Variants in DDX10 observed in about 807,000 individuals in gnomAD.
DDX10 encodes probable ATP-dependent RNA helicase DDX10.
A neutral mutation model predicts 104.3 loss-of-function variants in DDX10; 74 were observed. The ratio of observed to expected loss-of-function variants is 0.71; its 90% confidence interval spans 0.59 to 0.86. The LOEUF (loss-of-function observed/expected upper bound fraction) is 0.86, where lower values mean the gene tolerates loss of function less well. Ranked by LOEUF, DDX10 falls within the 40% of genes least tolerant of loss-of-function variation. DDX10 has a pLI of 0.00. For synonymous variants in DDX10, 351 were observed against 353.4 expected, an observed-to-expected ratio of 0.99 and a Z score of 0.08; for missense variants, 952 against 1,040.0, an observed-to-expected ratio of 0.92 and a Z score of 1.16.
At chr11:108,723,841 T>C (rs1237573884) in intron 13 of DDX10, among the ~76,000 whole-genome samples, 1 of 152,154 alleles carries the variant, frequency 6.6e-6, no homozygotes, top group Non-Finnish European at 1.5e-5. Flanking sequence ...TAAGGAACAG[T>C]TGTAATTATT....
chr11:108,923,614 T>C (rs922522157), intron 17 of DDX10, among the ~76,000 whole-genome samples: 1 of 152,220 alleles, frequency 6.6e-6, no homozygotes, highest in African/African-American at 2.4e-5. Flanking sequence ...AACATATCTT[T>C]CCTGCTTTCA....
At chr11:108,690,209 G>A (rs2094250296) in intron 7 of DDX10, 1 of 152,218 alleles carries the variant, frequency 6.6e-6, no homozygotes, top group Non-Finnish European at 1.5e-5. Context: ...AGAGTTAGTT[G>A]GTTTTGGCAT....
In DDX10 at chr11:108,918,029, A is replaced by C. The variant is rs770664067; in HGVS notation, c.2450+11A>C. Reference sequence around the variant, plus strand: ...GGAAAATAAAATAAGGTATGTTTTTACTATGGGTATGAAATACATACTTAG... The same window carrying C: ...GGAAAATAAAATAAGGTATGTTTTTCCTATGGGTATGAAATACATACTTAG... On this transcript the variant is annotated intron_variant, in intron 17 of 17. Transcript: ENST00000322536. 3 of 1,610,442 alleles carry C rather than the reference A, an allele frequency of 1.9e-6. No homozygotes were observed. The highest frequency in any genetic ancestry group is 2.2e-5 in the South Asian group (2 of 90,982).
At chr11:108,830,917 T>C (rs967584341) in intron 13 of DDX10, among the ~76,000 whole-genome samples, 8 of 152,202 alleles carry the variant, frequency 5.3e-5, no homozygotes, top group Admixed American at 6.5e-5. Context: ...ACCATAAAGT[T>C]AGAGAATATT....
At chr11:108,702,995 A>G (rs1289708609) in intron 9 of DDX10, among the ~76,000 whole-genome samples, 3 of 152,206 alleles carry the variant, frequency 2.0e-5, no homozygotes. Flanking sequence ...TAAATATAGT[A>G]TTGATATTGA....
chr11:108,813,098 CT>C, intron 13 of DDX10, among the ~76,000 whole-genome samples: 1 of 150,566 alleles, frequency 6.6e-6, no homozygotes, highest in East Asian at 2.0e-4. Flanking sequence ...ACTATTTGTA[CT>C]TTCTTTCTGA....
chr11:108,822,436 G>A, intron 13 of DDX10: 1 of 380,588 alleles, frequency 2.6e-6, no homozygotes, highest in East Asian at 8.0e-5. Flanking sequence ...GTTCTTCTTG[G>A]GAGTCTCCAA....
chr11:108,938,105 A>G (rs963512455), intron 17 of DDX10, among the ~76,000 whole-genome samples: 1 of 151,992 alleles, frequency 6.6e-6, no homozygotes, highest in African/African-American at 2.4e-5. Context: ...TTCGACCTCT[A>G]TTGCATTTTC....
intron 13 of DDX10, among the ~76,000 whole-genome samples, chr11:108,779,635 T>A (rs1421426801): frequency 6.6e-6 from 1 of 152,104 alleles, no homozygotes; most frequent in African/African-American, 2.4e-5. Context: ...AACCTGCACG[T>A]TGTGCACATG....
At chr11:108,736,154 C>CTT (rs58772238) in intron 13 of DDX10, among the ~76,000 whole-genome samples, 5 of 137,032 alleles carry the variant, frequency 3.6e-5, no homozygotes, top group Admixed American at 7.2e-5. Flanking sequence ...TTCCCTAGTT[C>CTT]TTTTTTTTTT....
At chr11:108,805,481 A>T (rs1035146080) in intron 13 of DDX10, among the ~76,000 whole-genome samples, 2 of 152,270 alleles carry the variant, frequency 1.3e-5, no homozygotes, top group African/African-American at 4.8e-5. Flanking sequence ...TTATTTTTTC[A>T]GATTTGTATG....
rs531657142 is a variant in DDX10, at chr11:108,695,597, G to C, written c.1223+1997G>C. 5.3e-3 allele frequency among the ~76,000 whole-genome samples: 799 copies of C among 152,094 alleles called. 3 individuals carry two copies. The highest frequency in any genetic ancestry group is 9.5e-3 in the Non-Finnish European group (644 of 67,968). On this transcript the variant is annotated intron_variant, in intron 9 of 17. Coordinates refer to ENST00000322536, the MANE Select transcript of DDX10 (RefSeq NM_004398.4). ...AGATTTCTATACATTTATATTTTTT[G>C]GGTAGCTTTGAAGAAAATTTTTTTG...
At chr11:108,790,061 C>T (rs1390702002) in intron 13 of DDX10, among the ~76,000 whole-genome samples, 1 of 152,116 alleles carries the variant, frequency 6.6e-6, no homozygotes. Context: ...AATTAAGAGC[C>T]ACTCAGGGGT....
chr11:108,855,150 G>T (rs1326783957), intron 16 of DDX10, among the ~76,000 whole-genome samples: 1 of 152,186 alleles, frequency 6.6e-6, no homozygotes, highest in Non-Finnish European at 1.5e-5. Context: ...TAGCTAACAA[G>T]ATGTCGTATA....
intron 13 of DDX10, among the ~76,000 whole-genome samples, chr11:108,808,619 C>G (rs10890894): frequency 0.49 from 74,612 of 151,874 alleles, 20,517 homozygotes; most frequent in Non-Finnish European, 0.61. Context: ...TTGTTTCCAT[C>G]TTTGTTTGAT....
intron 13 of DDX10, among the ~76,000 whole-genome samples, chr11:108,774,879 C>G (rs77428855): frequency 0.012 from 1,757 of 152,294 alleles, 38 homozygotes; most frequent in African/African-American, 0.04. Context: ...TTAAGAGATT[C>G]CTGTCTCTGC....
intron 13 of DDX10, among the ~76,000 whole-genome samples, chr11:108,833,995 A>T (rs1364006612): frequency 6.6e-6 from 1 of 151,916 alleles, no homozygotes; most frequent in Non-Finnish European, 1.5e-5. Flanking sequence ...TTGCTCTTTG[A>T]TCCAAGCTAG....
intron 13 of DDX10, among the ~76,000 whole-genome samples, chr11:108,793,976 T>A (rs1021969832): frequency 6.6e-6 from 1 of 152,150 alleles, no homozygotes; most frequent in African/African-American, 2.4e-5. Context: ...TGACCTCCAG[T>A]TCCATCCACG....
intron 13 of DDX10, among the ~76,000 whole-genome samples, chr11:108,833,847 A>G (rs1392523664): frequency 2.6e-5 from 4 of 152,168 alleles, no homozygotes; most frequent in Non-Finnish European, 2.9e-5. Flanking sequence ...TGTTTTATGA[A>G]CATTTTCAAA....
Sources: allele counts gnomAD v4.1 joint callset (sites outside exome capture counted in the v4.1 genomes callset), GRCh38; gene constraint gnomAD v4.1.1; transcripts MANE v1.5; gene names NCBI Gene and HGNC (gene_info 2026-07-23, HGNC 2026-07-21).